ADARB2: variants seen among roughly 807,000 people sequenced by gnomAD.
The protein encoded by ADARB2 is inactive double-stranded RNA-specific editase B2.
Under a neutral mutation model 62.2 loss-of-function variants are expected in ADARB2, and 25 were observed. The observed-to-expected ratio is 0.40, with a 90% CI of 0.29 to 0.56. The LOEUF (loss-of-function observed/expected upper bound fraction) is 0.56. Ranked by LOEUF, ADARB2 falls within the 20% of genes least tolerant of loss-of-function variation. ADARB2 has a pLI of 0.43. For missense variants in ADARB2, 1,071 were observed against 1,077.4 expected, an observed-to-expected ratio of 0.99 and a Z score of 0.08; for synonymous variants, 572 against 500.8, an observed-to-expected ratio of 1.14 and a Z score of -1.90.
chr10:1,660,477 C>T (rs1834231927), intron 1 of ADARB2, among the ~76,000 whole-genome samples: 1 of 152,160 alleles, frequency 6.6e-6, no homozygotes, highest in South Asian at 2.1e-4. Context: ...TCATGTCAGC[C>T]ACAGGTAACT....
intron 1 of ADARB2, among the ~76,000 whole-genome samples, chr10:1,536,226 G>A (rs1478795489): frequency 6.6e-6 from 1 of 152,148 alleles, no homozygotes; most frequent in East Asian, 1.9e-4. Context: ...AGGCCCTCAC[G>A]ATTAGAAGAG....
At chr10:1,454,670 G>A (rs1012928260) in intron 1 of ADARB2, among the ~76,000 whole-genome samples, 107 of 151,914 alleles carry the variant, frequency 7.0e-4, no homozygotes, top group Non-Finnish European at 1.9e-4. Flanking sequence ...TGCTGGGGCC[G>A]GGGAGGGTAA....
chr10:1,244,892 G>A (rs1160894882), intron 4 of ADARB2, among the ~76,000 whole-genome samples: 4 of 152,198 alleles, frequency 2.6e-5, no homozygotes, highest in South Asian at 2.1e-4. Context: ...CGTATTCTAC[G>A]GGCCGTTGGA....
chr10:1,436,174 G>T lies in ADARB2; in HGVS notation c.101-57014C>A, dbSNP rs576100171. ...TGCGTGTGTGCATGCTTGTGTGTGG[G>T]TGTACAATGAACACCTCTATTCAAA... On this transcript the variant is annotated intron_variant, in intron 1 of 9. Coordinates refer to ENST00000381312, the MANE Select transcript of ADARB2 (RefSeq NM_018702.4). Among the ~76,000 whole-genome samples the T allele has an allele frequency of 2.0e-5, 3 of 152,268 alleles. No individual in the cohort carries two copies. In the South Asian group the frequency reaches 6.2e-4, roughly 32 times the overall value.
chr10:1,401,960 A>G (rs982878172), intron 1 of ADARB2, among the ~76,000 whole-genome samples: 1 of 152,204 alleles, frequency 6.6e-6, no homozygotes, highest in South Asian at 2.1e-4. Flanking sequence ...CTTGTAATGC[A>G]CATTGTGCTG....
intron 4 of ADARB2, among the ~76,000 whole-genome samples, chr10:1,259,948 C>A (rs1831118092): frequency 6.6e-6 from 1 of 152,146 alleles, no homozygotes; most frequent in Admixed American, 6.5e-5. Context: ...AAAGCTCATC[C>A]ACCATGATCA....
intron 1 of ADARB2, among the ~76,000 whole-genome samples, chr10:1,725,088 G>A (rs1428567406): frequency 6.6e-6 from 1 of 152,220 alleles, no homozygotes; most frequent in Non-Finnish European, 1.5e-5. Flanking sequence ...ACCTGACTGA[G>A]CGCATGGACC....
At chr10:1,314,792 G>A (rs1564254800) in intron 3 of ADARB2, among the ~76,000 whole-genome samples, 2 of 152,168 alleles carry the variant, frequency 1.3e-5, no homozygotes, top group Non-Finnish European at 2.9e-5. Context: ...AAGCTTCAGC[G>A]GCTCTCCAGG....
chr10:1,666,473 C>A (rs999394854), intron 1 of ADARB2, among the ~76,000 whole-genome samples: 5 of 152,250 alleles, frequency 3.3e-5, no homozygotes, highest in Non-Finnish European at 7.3e-5. Flanking sequence ...TTCCCCCAAT[C>A]GTGTTCCCGC....
chr10:1,341,873 C>A (rs554084501), intron 3 of ADARB2, among the ~76,000 whole-genome samples: 4 of 152,396 alleles, frequency 2.6e-5, no homozygotes, highest in East Asian at 1.9e-4. Flanking sequence ...CGATAACCAG[C>A]ATCCACCAGA....
rs149308401 is a variant in ADARB2, at chr10:1,708,619, G to A, written c.100+28432C>T. Among the ~76,000 whole-genome samples, 50 of 152,176 alleles carry A rather than the reference G, an allele frequency of 3.3e-4. No individual in the cohort carries two copies. The East Asian group carries it at 8.7e-3, about 27-fold the overall frequency. On this transcript the variant is annotated intron_variant, in intron 1 of 9. Transcript: ENST00000381312. ...AGAGGCATGGGCTTTGGGGGCAGCCGGGGTCCTGGGAGACATTCAGGTTCA... is the reference window on the plus strand; with the variant it reads ...AGAGGCATGGGCTTTGGGGGCAGCCAGGGTCCTGGGAGACATTCAGGTTCA...
At chr10:1,393,107 C>T (rs373624725) in intron 1 of ADARB2, among the ~76,000 whole-genome samples, 71 of 152,344 alleles carry the variant, frequency 4.7e-4, no homozygotes, top group African/African-American at 1.7e-3. Flanking sequence ...GGGCTCAAAG[C>T]AGGGCTAGCA....
intron 1 of ADARB2, chr10:1,675,403 T>C (rs1477236647): frequency 3.6e-5 from 35 of 975,512 alleles, no homozygotes; most frequent in Non-Finnish European, 4.2e-5. Context: ...GTTCTGGAGG[T>C]TTGGGTTAAG....
Position 1,596,032 on chromosome 10 carries a change from C to A in ADARB2, c.100+141019G>T, listed in dbSNP as rs189869297. Among the ~76,000 whole-genome samples the A allele has an allele frequency of 7.1e-3, 1,089 of 152,348 alleles. 9 individuals are homozygous for A. The highest frequency in any genetic ancestry group is 0.011 in the Non-Finnish European group (737 of 68,042). On this transcript the variant is annotated intron_variant, in intron 1 of 9. Coordinates refer to ENST00000381312, the MANE Select transcript of ADARB2 (RefSeq NM_018702.4). Reference sequence around the variant, plus strand: ...CACTTGTGGCCAGGTCTCATGGACACCCCTTCATGACTTGTTCACAGAAAG... The same window carrying A: ...CACTTGTGGCCAGGTCTCATGGACAACCCTTCATGACTTGTTCACAGAAAG...
At chr10:1,259,565 C>T (rs897835634) in intron 4 of ADARB2, among the ~76,000 whole-genome samples, 3 of 152,196 alleles carry the variant, frequency 2.0e-5, no homozygotes, top group Non-Finnish European at 2.9e-5. Context: ...TGGATAAATT[C>T]CTCGACACAT....
At position 1,220,355 on chromosome 10, in the gene ADARB2, A is replaced by G. The variant is rs1281953896; in HGVS notation, c.1514-3236T>C. On this transcript the variant is annotated intron_variant, in intron 6 of 9. Coordinates refer to ENST00000381312, the MANE Select transcript of ADARB2 (RefSeq NM_018702.4). ...GTGATGGATGATGGTGATTGTGGTG[A>G]TGATGGTGATGATGATGGTGATGGT... Among the ~76,000 whole-genome samples the G allele has an allele frequency of 8.6e-5, 10 of 115,650 alleles. No homozygotes were observed. The East Asian group carries it at 8.8e-4, about 10-fold the overall frequency. 75.9% of individuals were successfully genotyped at this position (115,650 alleles called of 152,430 possible). A position where few individuals can be genotyped will look rare whatever the true frequency, so the allele number is the denominator to read the frequency against.
chr10:1,623,569 C>A (rs943599278), intron 1 of ADARB2, among the ~76,000 whole-genome samples: 5 of 152,240 alleles, frequency 3.3e-5, no homozygotes, highest in African/African-American at 1.2e-4. Context: ...CCTCTGGCCG[C>A]CTTCCCAGGC....
At chr10:1,605,703 T>C (rs1833485541) in intron 1 of ADARB2, among the ~76,000 whole-genome samples, 2 of 152,174 alleles carry the variant, frequency 1.3e-5, no homozygotes, top group East Asian at 3.9e-4. Context: ...TTTGGATATA[T>C]AAAGAGGGCC....
At chr10:1,628,029 C>T (rs771089231) in intron 1 of ADARB2, among the ~76,000 whole-genome samples, 15 of 152,358 alleles carry the variant, frequency 9.8e-5, no homozygotes, top group East Asian at 1.9e-4. Context: ...TGTGGGCTTT[C>T]GCCCATCCCT....
Sources: allele counts gnomAD v4.1 joint callset (sites outside exome capture counted in the v4.1 genomes callset), GRCh38; gene constraint gnomAD v4.1.1; transcripts MANE v1.5; gene names NCBI Gene and HGNC (gene_info 2026-07-23, HGNC 2026-07-21).